The following CERS3 variants were observed in gnomAD, a reference collection of about 807,000 sequenced individuals.
CERS3 encodes LAG1 homolog, ceramide synthase 3.
Under a neutral mutation model 50.3 loss-of-function variants are expected in CERS3, and 33 were observed. That is an observed-to-expected ratio of 0.66 (90% confidence interval 0.50 to 0.88). The LOEUF (loss-of-function observed/expected upper bound fraction) is 0.88, where lower values mean the gene tolerates loss of function less well. Among genes scored for constraint, CERS3 ranks in the 40% least tolerant of loss-of-function variants. CERS3 has a pLI of 0.00. For missense variants in CERS3, 470 were observed against 460.3 expected (o/e 1.02, Z -0.19); for synonymous variants, 176 against 155.2 (o/e 1.13, Z -0.99).
rs1320729468 is a variant in CERS3 at position 100,501,870 on chromosome 15, C to T, written c.-1-20G>A. ...AACATTCTAGAGAAATGGAAACAGA[C>T]ATTAGGCTTGTAAAACAAACACGTA... On this transcript the variant is annotated intron_variant, in intron 2 of 11. Transcript: ENST00000679737. 1 of 1,610,310 alleles carries T rather than the reference C, an allele frequency of 6.2e-7. No individual in the cohort carries two copies. The highest frequency in any genetic ancestry group is 8.5e-7 in the Non-Finnish European group (1 of 1,178,078).
Position 100,479,481 on chromosome 15 carries a change from G to T in CERS3, c.466-3C>A. On this transcript the variant is annotated splice_region_variant and splice_polypyrimidine_tract_variant and intron_variant, in intron 6 of 11. Transcript: ENST00000679737. ...CATAAGTCATATAGCCAAGGTTTCT[G>T]AAAGAAGAAAAAAAAAAAGAGCCAA... The T allele has an allele frequency of 6.3e-7, 1 of 1,582,184 alleles. No homozygotes were observed. The highest frequency in any genetic ancestry group is 1.9e-5 in the Admixed American group (1 of 52,866).
chr15:100,528,196 G>T (rs1156314264), intron 1 of CERS3, among the ~76,000 whole-genome samples: 3 of 152,202 alleles, frequency 2.0e-5, no homozygotes, highest in Non-Finnish European at 4.4e-5. Flanking sequence ...TTTTCTGCAT[G>T]AGACTGGCAG....
chr15:100,421,551 A>T (rs1034334429), intron 11 of CERS3, among the ~76,000 whole-genome samples: 1 of 150,690 alleles, frequency 6.6e-6, no homozygotes, highest in African/African-American at 2.4e-5. Context: ...TCAAGCTACC[A>T]ATGACTTTCT....
Position 100,500,048 on chromosome 15 carries a change from A to G in CERS3, c.173+1629T>C, listed in dbSNP as rs141173119. Among the ~76,000 whole-genome samples the G allele has an allele frequency of 5.7e-4, 87 of 152,334 alleles. 1 individual carries two copies. The highest frequency in any genetic ancestry group is 2.0e-3 in the African/African-American group (84 of 41,574). ...CCTATTCAAATATAAGGTATAAGTG[A>G]TATTTTATTTATGATATAAGTGGTT... On this transcript the variant is annotated intron_variant, in intron 3 of 11. Transcript: ENST00000679737.
At chr15:100,430,040 C>T (rs4965651) in intron 11 of CERS3, among the ~76,000 whole-genome samples, 3,925 of 151,882 alleles carry the variant, frequency 0.026, 57 homozygotes, top group Non-Finnish European at 0.042. Flanking sequence ...AAGCCGGGCG[C>T]GGTGGCTCAC....
intron 11 of CERS3, among the ~76,000 whole-genome samples, chr15:100,404,408 TA>T (rs2030815962): frequency 1.3e-5 from 2 of 152,212 alleles, no homozygotes; most frequent in Non-Finnish European, 2.9e-5. Context: ...AAACCATGTA[TA>T]GGATCTGTAT....
chr15:100,460,595 A>T (rs1308021958), intron 10 of CERS3, among the ~76,000 whole-genome samples: 1 of 152,102 alleles, frequency 6.6e-6, no homozygotes, highest in African/African-American at 2.4e-5. Flanking sequence ...CCACAACAAA[A>T]GTTTCCATGT....
chr15:100,439,877 T>C (rs2033601214), intron 11 of CERS3, among the ~76,000 whole-genome samples: 1 of 152,100 alleles, frequency 6.6e-6, no homozygotes, highest in African/African-American at 2.4e-5. Context: ...GGAAACAGCT[T>C]CTCCAAAGGA....
At chr15:100,494,493 C>A (rs577297734) in intron 3 of CERS3, among the ~76,000 whole-genome samples, 1 of 151,780 alleles carries the variant, frequency 6.6e-6, no homozygotes, top group Non-Finnish European at 1.5e-5. Flanking sequence ...ATGATCCACC[C>A]GCCTTGGCCT....
intron 4 of CERS3, among the ~76,000 whole-genome samples, chr15:100,485,537 A>G (rs548368146): frequency 6.6e-6 from 1 of 152,334 alleles, no homozygotes; most frequent in Admixed American, 6.5e-5. Flanking sequence ...ATATGCTCAT[A>G]AAAAATGCCA....
chr15:100,497,432 G>C (rs72759155), intron 3 of CERS3, among the ~76,000 whole-genome samples: 1 of 151,810 alleles, frequency 6.6e-6, no homozygotes, highest in African/African-American at 2.4e-5. Context: ...CTAGTAGCTG[G>C]AAAATTTTAG....
chr15:100,541,324 T>C (rs1017713771), intron 1 of CERS3, among the ~76,000 whole-genome samples: 4 of 152,150 alleles, frequency 2.6e-5, no homozygotes, highest in Admixed American at 1.3e-4. Context: ...ATACAAAAAT[T>C]AGCCGGGCGT....
intron 1 of CERS3, among the ~76,000 whole-genome samples, chr15:100,521,998 A>G (rs1403706618): frequency 1.1e-4 from 16 of 151,878 alleles, no homozygotes; most frequent in Admixed American, 1.1e-3. Flanking sequence ...TCACTCAGAA[A>G]CTCAGAAGAC....
At chr15:100,421,093 CAGG>C (rs1325631189) in intron 11 of CERS3, among the ~76,000 whole-genome samples, 1 of 150,326 alleles carries the variant, frequency 6.7e-6, no homozygotes, top group African/African-American at 2.5e-5. Context: ...GGCAATTAGG[CAGG>C]AGAAGGAAAT....
At chr15:100,530,911 T>C (rs892668162), upstream of CERS3, among the ~76,000 whole-genome samples, 6 of 151,908 alleles carry the variant, frequency 3.9e-5, no homozygotes, top group African/African-American at 1.5e-4. Flanking sequence ...GGTGAAACCC[T>C]ATCTCTATTA....
At chr15:100,424,479 G>A (rs921486827) in intron 11 of CERS3, among the ~76,000 whole-genome samples, 2 of 152,206 alleles carry the variant, frequency 1.3e-5, no homozygotes, top group Non-Finnish European at 2.9e-5. Flanking sequence ...GGACAGTGAA[G>A]TCCAAGCTGA....
At chr15:100,465,649 T>C (rs1483109614) in intron 10 of CERS3, among the ~76,000 whole-genome samples, 2 of 151,794 alleles carry the variant, frequency 1.3e-5, no homozygotes, top group Non-Finnish European at 2.9e-5. Context: ...GTTTTTGCTG[T>C]TGTTTTGAAC....
intron 9 of CERS3, among the ~76,000 whole-genome samples, chr15:100,471,835 T>C (rs1173361528): frequency 6.6e-6 from 1 of 152,200 alleles, no homozygotes; most frequent in East Asian, 1.9e-4. Flanking sequence ...TGCTTTGAAA[T>C]GGCTGCAAGT....
At chr15:100,443,027 C>T (rs1215054419) in intron 11 of CERS3, among the ~76,000 whole-genome samples, 59 of 151,204 alleles carry the variant, frequency 3.9e-4, no homozygotes, top group African/African-American at 1.4e-3. Context: ...TTTAGTTATC[C>T]CCACCTGCCC....
Sources: allele counts gnomAD v4.1 joint callset (sites outside exome capture counted in the v4.1 genomes callset), GRCh38; gene constraint gnomAD v4.1.1; transcripts MANE v1.5; gene names NCBI Gene and HGNC (gene_info 2026-07-23, HGNC 2026-07-21).